Variants in RBFOX1 observed in about 807,000 individuals in gnomAD.
RBFOX1 encodes RNA binding fox-1 homolog 1, also known as RNA binding protein fox-1 homolog 1.
A neutral mutation model predicts 57.7 loss-of-function variants in RBFOX1; 8 were observed. The ratio of observed to expected loss-of-function variants is 0.14; its 90% CI spans 0.08 to 0.25. The LOEUF (loss-of-function observed/expected upper bound fraction) is 0.25, where lower values mean the gene tolerates loss of function less well. Among genes scored for constraint, RBFOX1 ranks in the 10% least tolerant of loss-of-function variants. The pLI is 1.00. For synonymous variants in RBFOX1, 326 were observed against 222.4 expected, an observed-to-expected ratio of 1.47 and a Z score of -4.15; for missense variants, 611 against 548.5, an observed-to-expected ratio of 1.11 and a Z score of -1.14.
At chr16:5,358,857 A>G (rs1374922476) in intron 1 of RBFOX1, among the ~76,000 whole-genome samples, 1 of 152,150 alleles carries the variant, frequency 6.6e-6, no homozygotes, top group Non-Finnish European at 1.5e-5. Flanking sequence ...CAATTCAGTC[A>G]TATTGACTAT....
intron 1 of RBFOX1, among the ~76,000 whole-genome samples, chr16:5,423,240 C>T (rs1407179875): frequency 6.6e-6 from 1 of 152,080 alleles, no homozygotes; most frequent in Admixed American, 6.5e-5. Context: ...TCTTGTACAA[C>T]TATAGCCCAG....
chr16:5,820,631 C>G (rs1246461097), intron 3 of RBFOX1, among the ~76,000 whole-genome samples: 2 of 152,142 alleles, frequency 1.3e-5, no homozygotes, highest in East Asian at 1.9e-4. Flanking sequence ...TGAGAAGGAA[C>G]GTTTTCCCCA....
At chr16:5,784,412 G>A (rs546534571) in intron 3 of RBFOX1, among the ~76,000 whole-genome samples, 63 of 148,288 alleles carry the variant, frequency 4.2e-4, no homozygotes, top group African/African-American at 1.5e-3. Flanking sequence ...GGGCGACAGA[G>A]CGAGAGTCCG....
intron 14 of RBFOX1, among the ~76,000 whole-genome samples, chr16:7,690,118 G>A (rs1262906286): frequency 1.3e-5 from 2 of 152,024 alleles, no homozygotes; most frequent in Non-Finnish European, 2.9e-5. Context: ...CTGCTTCTCA[G>A]CTGGGCCACA....
At chr16:7,374,124 C>T (rs1005116217) in intron 4 of RBFOX1, among the ~76,000 whole-genome samples, 12 of 151,962 alleles carry the variant, frequency 7.9e-5, no homozygotes, top group African/African-American at 2.9e-4. Context: ...CGAAGGGCCA[C>T]CAATAGGTAC....
intron 4 of RBFOX1, among the ~76,000 whole-genome samples, chr16:5,948,417 C>A (rs1418231483): frequency 6.6e-6 from 1 of 152,212 alleles, no homozygotes; most frequent in Non-Finnish European, 1.5e-5. Context: ...TTGGGTTGAA[C>A]AGCGTCTGCC....
intron 3 of RBFOX1, among the ~76,000 whole-genome samples, chr16:7,026,846 C>T (rs773152163): frequency 3.2e-4 from 49 of 152,188 alleles, no homozygotes; most frequent in Non-Finnish European, 5.7e-4. Flanking sequence ...ACATTCCAGT[C>T]GGCTTGCTGT....
intron 2 of RBFOX1, among the ~76,000 whole-genome samples, chr16:6,573,384 A>G (rs1036337575): frequency 6.6e-6 from 1 of 152,118 alleles, no homozygotes; most frequent in Admixed American, 6.5e-5. Context: ...AAATTTCTTT[A>G]CAGCTGTTAC....
At chr16:6,307,945 GT>G (rs1249797148) in intron 1 of RBFOX1, among the ~76,000 whole-genome samples, 1 of 146,914 alleles carries the variant, frequency 6.8e-6, no homozygotes. Context: ...ATTCATTTAG[GT>G]TGTTATTTAC....
chr16:7,335,941 G>A (rs34009260), intron 4 of RBFOX1, among the ~76,000 whole-genome samples: 9,676 of 152,272 alleles, frequency 0.064, 346 homozygotes, highest in South Asian at 0.1. Flanking sequence ...ACTGTCTCAT[G>A]TGCAGAAAAA....
chr16:6,856,131 C>A (rs1257075707), intron 3 of RBFOX1, among the ~76,000 whole-genome samples: 2 of 151,804 alleles, frequency 1.3e-5, no homozygotes. Flanking sequence ...CTTCCCTTCC[C>A]TTTACCTTCC....
intron 4 of RBFOX1, among the ~76,000 whole-genome samples, chr16:7,184,498 A>G (rs1239868290): frequency 6.6e-6 from 1 of 152,194 alleles, no homozygotes; most frequent in Non-Finnish European, 1.5e-5. Context: ...TGACATAGTT[A>G]TTTGCAGCCC....
At chr16:5,314,227 G>T (rs957011858) in intron 1 of RBFOX1, among the ~76,000 whole-genome samples, 3 of 152,192 alleles carry the variant, frequency 2.0e-5, no homozygotes, top group Admixed American at 6.5e-5. Flanking sequence ...CTAAGCTTAG[G>T]CAACCCAACT....
chr16:6,431,991 A>G (rs2094113911), intron 2 of RBFOX1, among the ~76,000 whole-genome samples: 1 of 145,558 alleles, frequency 6.9e-6, no homozygotes, highest in South Asian at 2.1e-4. Context: ...AGACAGGGTC[A>G]TATTCTATCA....
intron 4 of RBFOX1, among the ~76,000 whole-genome samples, chr16:5,985,096 C>A (rs1471888844): frequency 6.6e-6 from 1 of 150,400 alleles, no homozygotes; most frequent in Non-Finnish European, 1.5e-5. Flanking sequence ...CACCATTCTC[C>A]TGTCTCAGCC....
chr16:7,448,311 A>G (rs1156398161), intron 4 of RBFOX1, among the ~76,000 whole-genome samples: 1 of 152,200 alleles, frequency 6.6e-6, no homozygotes, highest in African/African-American at 2.4e-5. Context: ...TGATGCTGCT[A>G]ATAAAGACAT....
intron 2 of RBFOX1, among the ~76,000 whole-genome samples, chr16:6,631,573 G>A (rs558353748): frequency 1.4e-4 from 22 of 152,170 alleles, no homozygotes; most frequent in East Asian, 1.4e-3. Flanking sequence ...AAAAGACAAA[G>A]GAAAGTCTCT....
Position 6,955,074 on chromosome 16 carries a change from A to C in RBFOX1, c.-15-96983A>C, listed in dbSNP as rs1011312133. 7.3e-5 allele frequency among the ~76,000 whole-genome samples: 9 copies of C among 123,948 alleles called. 1 individual carries two copies. Among genetic ancestry groups the C allele is most frequent in the African/African-American group, 2.6e-4 (9 of 34,306 alleles). 81.3% of individuals were successfully genotyped at this position (123,948 alleles called of 152,430 possible). A position where few individuals can be genotyped will look rare whatever the true frequency, so the allele number is the denominator to read the frequency against. On this transcript the variant is annotated intron_variant, in intron 3 of 15. Coordinates refer to ENST00000550418, the MANE Select transcript of RBFOX1 (RefSeq NM_018723.4). ...TGGGAAACCCCATCTCTACAAAAAA[A>C]AAAAAACACACAAAAAATTAGCTGG...
At chr16:5,945,120 A>G (rs1441728151) in intron 4 of RBFOX1, among the ~76,000 whole-genome samples, 3 of 152,112 alleles carry the variant, frequency 2.0e-5, no homozygotes, top group African/African-American at 2.4e-5. Flanking sequence ...CCTGGTGCAC[A>G]TCCATCCAGG....
Sources: gnomAD v4.1 joint callset for allele counts (sites outside exome capture counted in the v4.1 genomes callset) on GRCh38, gnomAD v4.1.1 for gene constraint, MANE v1.5 for transcripts, NCBI Gene and HGNC (gene_info 2026-07-23, HGNC 2026-07-21) for gene names.